GLRA3: variants seen among roughly 807,000 people sequenced by gnomAD.
GLRA3 encodes glycine receptor subunit alpha-3.
Under a neutral mutation model 60.4 loss-of-function variants are expected in GLRA3, and 44 were observed. The observed-to-expected ratio is 0.73, with a 90% CI of 0.57 to 0.94. The LOEUF (loss-of-function observed/expected upper bound fraction) is 0.94, where lower values mean the gene tolerates loss of function less well. Among genes scored for constraint, GLRA3 ranks in the 40% least tolerant of loss-of-function variants. The pLI, the probability that GLRA3 is intolerant of heterozygous loss-of-function variation, is 0.00. For synonymous variants in GLRA3, 223 were observed against 192.9 expected, an observed-to-expected ratio of 1.16 and a Z score of -1.29; for missense variants, 508 against 564.6, an observed-to-expected ratio of 0.90 and a Z score of 1.02.
intron 3 of GLRA3, among the ~76,000 whole-genome samples, chr4:174,751,772 G>C (rs1737496219): frequency 6.6e-6 from 1 of 151,808 alleles, no homozygotes; most frequent in Admixed American, 6.6e-5. Flanking sequence ...GGACAGTATG[G>C]TTCCTGAGGG....
At chr4:174,682,712 C>G in intron 6 of GLRA3, 90 bp downstream of exon 6, 2 of 907,502 alleles carry the variant, frequency 2.2e-6, no homozygotes, top group South Asian at 3.7e-5. Context: ...GATCTATGAA[C>G]AGTTAAATAA....
chr4:174,823,305 G>A (rs957575535), intron 1 of GLRA3, among the ~76,000 whole-genome samples: 33 of 152,066 alleles, frequency 2.2e-4, no homozygotes, highest in Non-Finnish European at 3.8e-4. Flanking sequence ...CGGGTGGACC[G>A]CGAGGTCAGG....
chr4:174,659,696 G>T (rs1365194844), intron 7 of GLRA3, among the ~76,000 whole-genome samples: 1 of 152,070 alleles, frequency 6.6e-6, no homozygotes, highest in Non-Finnish European at 1.5e-5. Flanking sequence ...AAGAGGTCAG[G>T]CTCAGTGGCT....
At chr4:174,713,342 A>C (rs1179147142) in intron 5 of GLRA3, among the ~76,000 whole-genome samples, 1 of 152,148 alleles carries the variant, frequency 6.6e-6, no homozygotes, top group African/African-American at 2.4e-5. Context: ...TGTGTCCTGC[A>C]AAATAGCCCC....
intron 1 of GLRA3, among the ~76,000 whole-genome samples, chr4:174,800,602 C>T (rs902687981): frequency 6.7e-6 from 1 of 150,328 alleles, no homozygotes; most frequent in Non-Finnish European, 1.5e-5. Context: ...TAAAACCAAA[C>T]CCCCCCCGCC....
chr4:174,745,247 C>A (rs1027644117), intron 3 of GLRA3, among the ~76,000 whole-genome samples: 2 of 152,120 alleles, frequency 1.3e-5, no homozygotes, highest in African/African-American at 4.8e-5. Context: ...TAGATGAATA[C>A]TTCCCAAGTC....
chr4:174,698,143 T>C (rs191067799), intron 5 of GLRA3, among the ~76,000 whole-genome samples: 1 of 152,136 alleles, frequency 6.6e-6, no homozygotes, highest in African/African-American at 2.4e-5. Flanking sequence ...GAATAGAGAA[T>C]AGTAAGGCAA....
At chr4:174,794,779 T>C (rs1342843877) in intron 1 of GLRA3, among the ~76,000 whole-genome samples, 1 of 152,138 alleles carries the variant, frequency 6.6e-6, no homozygotes, top group African/African-American at 2.4e-5. Context: ...GATCTGATAT[T>C]GGTTCTGTAA....
chr4:174,801,874 G>T (rs1459550987), intron 1 of GLRA3, among the ~76,000 whole-genome samples: 2 of 151,978 alleles, frequency 1.3e-5, no homozygotes, highest in Admixed American at 6.6e-5. Context: ...TGTTGCAATT[G>T]TAACTGTCAA....
chr4:174,808,193 A>G (rs9312560), intron 1 of GLRA3, among the ~76,000 whole-genome samples: 2,965 of 152,248 alleles, frequency 0.019, 96 homozygotes, highest in African/African-American at 0.068. Flanking sequence ...AGGAAAAACA[A>G]AAGGTGAACC....
intron 1 of GLRA3, among the ~76,000 whole-genome samples, chr4:174,798,983 T>C (rs1205356950): frequency 2.0e-5 from 3 of 152,082 alleles, no homozygotes; most frequent in Non-Finnish European, 4.4e-5. Context: ...TAGCTAAAAC[T>C]TGATGGGCTA....
At chr4:174,783,834 G>C (rs1739000133) in intron 2 of GLRA3, among the ~76,000 whole-genome samples, 1 of 152,138 alleles carries the variant, frequency 6.6e-6, no homozygotes, top group Non-Finnish European at 1.5e-5. Flanking sequence ...GTGCTGGAGA[G>C]GATGTGGAGG....
intron 1 of GLRA3, among the ~76,000 whole-genome samples, chr4:174,816,223 G>A (rs1006437243): frequency 6.6e-6 from 1 of 152,146 alleles, no homozygotes; most frequent in Non-Finnish European, 1.5e-5. Flanking sequence ...GGTTTGCTGT[G>A]TTTTCCATAG....
intron 1 of GLRA3, among the ~76,000 whole-genome samples, chr4:174,820,374 G>C (rs1740695778): frequency 1.3e-5 from 2 of 152,162 alleles, no homozygotes; most frequent in Non-Finnish European, 2.9e-5. Context: ...CTTTAGAAAA[G>C]AAGAAATAGT....
At chr4:174,787,995 T>G (rs951927680) in intron 2 of GLRA3, among the ~76,000 whole-genome samples, 1 of 152,064 alleles carries the variant, frequency 6.6e-6, no homozygotes, top group African/African-American at 2.4e-5. Flanking sequence ...AAATGGTAGT[T>G]ATAGACAACA....
In GLRA3 at chr4:174,642,613, T is replaced by C. The variant is rs2110831918; in HGVS notation, c.*1173A>G. 1 of 914,984 alleles carries C rather than the reference T, an allele frequency of 1.1e-6. No homozygotes were observed. The highest frequency in any genetic ancestry group is 6.2e-5 in the Admixed American group (1 of 16,162). The allele number at this position is 914,984 out of a possible 1,614,324, so 56.7% of individuals were successfully genotyped here. The stretch of plus-strand genomic sequence containing the variant: ...TCATTGAAAAATTTTATGTAAAAAT[T>C]TCATTTAAAATTATTCACATCTTGC... On this transcript the variant is annotated 3_prime_UTR_variant, in exon 10 of 10. Coordinates refer to ENST00000274093, the MANE Select transcript of GLRA3 (RefSeq NM_006529.4).
intron 5 of GLRA3, among the ~76,000 whole-genome samples, 181 bp downstream of exon 5, chr4:174,715,307 A>G (rs992379601): frequency 3.9e-5 from 6 of 152,136 alleles, no homozygotes; most frequent in Non-Finnish European, 5.9e-5. Flanking sequence ...TTTCTTTCTC[A>G]TAGTGTGGAG....
At chr4:174,819,887 A>G (rs946693914) in intron 1 of GLRA3, among the ~76,000 whole-genome samples, 11 of 152,286 alleles carry the variant, frequency 7.2e-5, no homozygotes, top group African/African-American at 2.6e-4. Context: ...AATATTTAGC[A>G]TTGTCATTTA....
intron 2 of GLRA3, among the ~76,000 whole-genome samples, chr4:174,782,759 A>G (rs923259458): frequency 2.6e-5 from 4 of 152,102 alleles, no homozygotes. Context: ...TCCAACTTAC[A>G]AGGGATGTGA....
Sources: gnomAD v4.1 joint callset for allele counts (sites outside exome capture counted in the v4.1 genomes callset) on GRCh38, gnomAD v4.1.1 for gene constraint, MANE v1.5 for transcripts, NCBI Gene and HGNC (gene_info 2026-07-23, HGNC 2026-07-21) for gene names.